The following CNGB3 variants were observed in gnomAD, a reference collection of about 807,000 sequenced individuals.
CNGB3 encodes cyclic nucleotide gated channel subunit beta 3.
Under a neutral mutation model 92.8 loss-of-function variants are expected in CNGB3, and 86 were observed. The ratio of observed to expected loss-of-function variants is 0.93; its 90% confidence interval spans 0.78 to 1.11. The LOEUF (loss-of-function observed/expected upper bound fraction) is 1.11. Among genes scored for constraint, CNGB3 ranks in the 50% least tolerant of loss-of-function variants. CNGB3 has a pLI of 0.00. For missense variants in CNGB3, 1,026 were observed against 956.8 expected, an observed-to-expected ratio of 1.07 and a Z score of -0.95; for synonymous variants, 333 against 332.7, an observed-to-expected ratio of 1.00 and a Z score of -0.01.
intron 6 of CNGB3, chr8:86,661,734 C>T: frequency 6.4e-7 from 1 of 1,564,008 alleles, no homozygotes; most frequent in East Asian, 2.2e-5. Flanking sequence ...AGTGGTTGAT[C>T]TAGCATCTCA....
At position 86,739,703 on chromosome 8, in the gene CNGB3, T is replaced by G; in HGVS notation, c.163A>C (p.Thr55Pro). Residue 55 changes from threonine (T) to proline (P), a missense_variant, in exon 2 of 18, where the codon ACC (threonine) becomes CCC (proline). Thr to Pro is a conservative substitution (Grantham distance 38). Transcript: ENST00000320005. The part of the protein sequence containing the change: ...ENKGEEKSLK[T>P]KSTPVTSEEP... ...TCAGACGTGACTGGAGTTGACTTGG[T>G]TTTGAGAGATTTCTCTTCACCTTTG... 1 of 1,613,320 alleles carries G rather than the reference T, an allele frequency of 6.2e-7. No individual in the cohort carries two copies. Among genetic ancestry groups the G allele is most frequent in the Non-Finnish European group, 8.5e-7 (1 of 1,179,908 alleles).
At chr8:86,585,667 C>A (rs181328812) in intron 15 of CNGB3, among the ~76,000 whole-genome samples, 70 of 152,220 alleles carry the variant, frequency 4.6e-4, no homozygotes, top group Non-Finnish European at 8.4e-4. Context: ...GCCTTCTGTA[C>A]CATAAAAATG....
At chr8:86,684,656 C>CAAAAAAAAAAAAAA (rs34942527) in intron 3 of CNGB3, among the ~76,000 whole-genome samples, 1 of 122,584 alleles carries the variant, frequency 8.2e-6, no homozygotes. Context: ...ATACTTAAGC[C>CAAAAAAAAAAAAAA]AAAAAAAAAA....
intron 3 of CNGB3, among the ~76,000 whole-genome samples, chr8:86,685,424 C>T (rs968006387): frequency 6.6e-6 from 1 of 152,016 alleles, no homozygotes; most frequent in Non-Finnish European, 1.5e-5. Flanking sequence ...TGCACGTCGA[C>T]GTTTGAGAAA....
At chr8:86,681,580 C>G (rs1244283803) in intron 3 of CNGB3, among the ~76,000 whole-genome samples, 2 of 152,104 alleles carry the variant, frequency 1.3e-5, no homozygotes, top group Non-Finnish European at 2.9e-5. Context: ...TTCTGCAGAG[C>G]TGAAGAAATG....
chr8:86,666,831 A>G (rs1329272732), intron 6 of CNGB3, 94 bp downstream of exon 6: 1 of 978,004 alleles, frequency 1.0e-6, no homozygotes, highest in Non-Finnish European at 1.6e-6. Flanking sequence ...GCAGATAGCC[A>G]GTCAAACATT....
At chr8:86,694,301 G>A (rs185395484) in intron 3 of CNGB3, among the ~76,000 whole-genome samples, 4,993 of 149,870 alleles carry the variant, frequency 0.033, 87 homozygotes, top group African/African-American at 0.056. Context: ...AGGGGCGGCC[G>A]GGCTGAGGCG....
intron 12 of CNGB3, 36 bp downstream of exon 12, chr8:86,628,883 T>C: frequency 6.2e-7 from 1 of 1,610,556 alleles, no homozygotes; most frequent in South Asian, 1.1e-5. Flanking sequence ...TATGACAAGG[T>C]TTACAGGAAT....
chr8:86,651,704 A>G (rs1213649158), intron 7 of CNGB3, among the ~76,000 whole-genome samples: 3 of 151,936 alleles, frequency 2.0e-5, no homozygotes, highest in African/African-American at 7.2e-5. Context: ...TTGTGTAGAC[A>G]GAGATAATTT....
chr8:86,584,957 T>C (rs1057440886), intron 15 of CNGB3, among the ~76,000 whole-genome samples: 3 of 152,172 alleles, frequency 2.0e-5, no homozygotes, highest in Admixed American at 1.3e-4. Context: ...AATACATACT[T>C]TGGAACCAGA....
chr8:86,643,646 G>T, intron 10 of CNGB3, 105 bp downstream of exon 10: 4 of 1,273,436 alleles, frequency 3.1e-6, no homozygotes, highest in Non-Finnish European at 3.4e-6. Flanking sequence ...ACCAGCCATT[G>T]AATGGGTTAT....
chr8:86,671,006 G>A lies in CNGB3; in HGVS notation c.431C>T (p.Ala144Val). 1 of 1,613,472 alleles carries A rather than the reference G, an allele frequency of 6.2e-7. No individual in the cohort carries two copies. Among genetic ancestry groups the A allele is most frequent in the South Asian group, 1.1e-5 (1 of 91,046 alleles). Reference sequence around the variant, plus strand: ...CTCTACCAACTTTTTCTTGTAGAGGGCTGTTCTTTGACGCATTCTTTTCAC... The same window carrying A: ...CTCTACCAACTTTTTCTTGTAGAGGACTGTTCTTTGACGCATTCTTTTCAC... ...NLVKRMRQRTALYKKKLVEGD... is the reference protein window; with the variant it reads ...NLVKRMRQRTVLYKKKLVEGD... Residue 144 changes from alanine to valine, a missense_variant, in exon 4 of 18, where the codon GCC becomes GTC. Physicochemically the swap from Ala to Val is moderately conservative, Grantham distance 64 (BLOSUM62 0). Coordinates refer to ENST00000320005, the MANE Select transcript of CNGB3 (RefSeq NM_019098.5).
intron 6 of CNGB3, chr8:86,659,886 C>G (rs1434506061): frequency 2.4e-6 from 1 of 422,052 alleles, no homozygotes; most frequent in Non-Finnish European, 4.7e-6. Flanking sequence ...AGGGCCCTCC[C>G]CATTGACAAA....
Position 86,665,924 on chromosome 8 carries a change from C to A in CNGB3, c.852+1001G>T, listed in dbSNP as rs111542770. Among the ~76,000 whole-genome samples the A allele has an allele frequency of 7.2e-3, 1,093 of 152,274 alleles. 17 individuals are homozygous for A. Among genetic ancestry groups the A allele is most frequent in the African/African-American group, 0.025 (1,039 of 41,560 alleles). ...TGGGGAAAAAAAAGGGTCATGAAAG[C>A]TTTGCTTTGTAAGTTAGGTTTTCCC... On this transcript the variant is annotated intron_variant, in intron 6 of 17. Coordinates refer to ENST00000320005, the MANE Select transcript of CNGB3 (RefSeq NM_019098.5).
chr8:86,603,489 G>A (rs1822349757), intron 15 of CNGB3, among the ~76,000 whole-genome samples: 1 of 152,176 alleles, frequency 6.6e-6, no homozygotes, highest in Non-Finnish European at 1.5e-5. Flanking sequence ...CCAATAAGAA[G>A]CAATGGTAAA....
rs1823317670 is a variant in CNGB3 at position 86,647,813 on chromosome 8, A to G, written c.978T>C (p.Asn326=). ...FFGFNPMFRA[N]RMLKYTSFFE... ...ATAGTTATCTTACCTTTAACATCCT[A>G]TTTGCTCTAAACATTGGATTAAACC... The change falls in exon 8 of 18, where the codon AAT becomes AAC. Residue 326 remains asparagine, a synonymous_variant. Transcript: ENST00000320005. 9 of 1,529,606 alleles carry G rather than the reference A, an allele frequency of 5.9e-6. No individual in the cohort carries two copies. Among genetic ancestry groups the G allele is most frequent in the Non-Finnish European group, 8.2e-6 (9 of 1,104,008 alleles). The allele number at this position is 1,529,606 out of a possible 1,614,324, so 94.8% of individuals were successfully genotyped here.
chr8:86,699,006 G>T (rs1824501287), intron 3 of CNGB3, among the ~76,000 whole-genome samples: 1 of 152,086 alleles, frequency 6.6e-6, no homozygotes, highest in Non-Finnish European at 1.5e-5. Flanking sequence ...GGAGTATATG[G>T]TATGTATTTA....
At chr8:86,724,357 G>A (rs1037129399) in intron 3 of CNGB3, among the ~76,000 whole-genome samples, 9 of 152,152 alleles carry the variant, frequency 5.9e-5, no homozygotes, top group African/African-American at 2.2e-4. Context: ...AGAATTCTGA[G>A]CAGGAAGGAA....
At chr8:86,611,709 A>T (rs775895294) in intron 13 of CNGB3, 38 bp from the exon 14 acceptor site, 1 of 1,355,794 alleles carries the variant, frequency 7.4e-7, no homozygotes, top group Non-Finnish European at 1.1e-6. Context: ...AGAAACAACT[A>T]AAGGCCAATA....
Sources: gnomAD v4.1 joint callset for allele counts (sites outside exome capture counted in the v4.1 genomes callset) on GRCh38, gnomAD v4.1.1 for gene constraint, MANE v1.5 for transcripts, NCBI Gene and HGNC (gene_info 2026-07-23, HGNC 2026-07-21) for gene names.